Variants in FOXP2 observed in about 807,000 individuals in gnomAD.
FOXP2 encodes the protein forkhead box protein P2.
A neutral mutation model predicts 115.8 loss-of-function variants in FOXP2; 12 were observed. The ratio of observed to expected loss-of-function variants is 0.10; its 90% confidence interval spans 0.07 to 0.17. The LOEUF is 0.17. Among genes scored for constraint, FOXP2 ranks in the 10% least tolerant of loss-of-function variants. The pLI is 1.00. For missense variants in FOXP2, 629 were observed against 843.5 expected (o/e 0.75, Z 3.15); for synonymous variants, 328 against 297.7 (o/e 1.10, Z -1.05).
At chr7:114,093,117 A>G (rs2129139393) in intron 1 of FOXP2, among the ~76,000 whole-genome samples, 1 of 152,270 alleles carries the variant, frequency 6.6e-6, no homozygotes, top group South Asian at 2.1e-4. Flanking sequence ...TCAGAATAAA[A>G]TAGATGTTAC....
At chr7:114,403,572 A>G (rs1000337625) in intron 2 of FOXP2, among the ~76,000 whole-genome samples, 4 of 152,206 alleles carry the variant, frequency 2.6e-5, no homozygotes, top group Non-Finnish European at 5.9e-5. Context: ...AGACTATCTC[A>G]GGAGACTTGT....
intron 1 of FOXP2, among the ~76,000 whole-genome samples, chr7:114,153,862 T>G (rs981068529): frequency 6.6e-6 from 1 of 152,158 alleles, no homozygotes; most frequent in Non-Finnish European, 1.5e-5. Flanking sequence ...TTCAAATACC[T>G]TGATGTAAAG....
rs376462394 is a variant in FOXP2, at chr7:114,664,569, G to C, written c.2003+133G>C. 1.2e-4 allele frequency: 128 copies of C among 1,049,906 alleles called. No homozygotes were observed. The South Asian group carries it at 1.5e-3, about 12-fold the overall frequency. The allele number at this position is 1,049,906 out of a possible 1,614,324, so 65.0% of individuals were successfully genotyped here. A position where few individuals can be genotyped will look rare whatever the true frequency, so the allele number is the denominator to read the frequency against. On this transcript the variant is annotated intron_variant, in intron 16 of 16. Coordinates refer to ENST00000350908, the MANE Select transcript of FOXP2 (RefSeq NM_014491.4). ...TTTAAGTGGAGTTAAATTATACCACGTTCATAATATGACAAAGTTTATCAA... is the reference window on the plus strand; with the variant it reads ...TTTAAGTGGAGTTAAATTATACCACCTTCATAATATGACAAAGTTTATCAA...
At chr7:114,338,639 ATTAT>A (rs1017955955) in intron 2 of FOXP2, among the ~76,000 whole-genome samples, 2 of 151,034 alleles carry the variant, frequency 1.3e-5, no homozygotes, top group Non-Finnish European at 1.5e-5. Flanking sequence ...TTAAGACAAA[ATTAT>A]TTATTTGCAG....
intron 1 of FOXP2, among the ~76,000 whole-genome samples, chr7:114,214,769 T>G (rs1413507865): frequency 6.6e-6 from 1 of 152,172 alleles, no homozygotes; most frequent in Non-Finnish European, 1.5e-5. Flanking sequence ...TGCATAACTC[T>G]GGGCTCAGTA....
At chr7:114,641,642 TTTTA>T (rs1045728283) in intron 6 of FOXP2, among the ~76,000 whole-genome samples, 1 of 152,000 alleles carries the variant, frequency 6.6e-6, no homozygotes, top group Non-Finnish European at 1.5e-5. Flanking sequence ...TTGTTTTCCC[TTTTA>T]TTTATTTATT....
At chr7:114,545,059 A>G (rs1279628824) in intron 3 of FOXP2, among the ~76,000 whole-genome samples, 2 of 152,234 alleles carry the variant, frequency 1.3e-5, no homozygotes, top group African/African-American at 4.8e-5. Flanking sequence ...AAAGATATTT[A>G]AAACTCTCCA....
intron 7 of FOXP2, among the ~76,000 whole-genome samples, chr7:114,643,296 T>C: frequency 6.6e-6 from 1 of 152,144 alleles, no homozygotes; most frequent in Non-Finnish European, 1.5e-5. Flanking sequence ...ATCAGTTCTT[T>C]AATTTCAAAT....
At chr7:114,160,192 A>T (rs1792792419), upstream of FOXP2, among the ~76,000 whole-genome samples, 1 of 152,114 alleles carries the variant, frequency 6.6e-6, no homozygotes, top group African/African-American at 2.4e-5. Flanking sequence ...GGGGGCTTTG[A>T]TTTCTAGGAC....
intron 1 of FOXP2, among the ~76,000 whole-genome samples, chr7:114,138,071 A>G (rs1470323723): frequency 6.6e-6 from 1 of 152,138 alleles, no homozygotes; most frequent in Non-Finnish European, 1.5e-5. Flanking sequence ...GAAAATAAAT[A>G]CCCATGAGCC....
At chr7:114,304,814 C>T (rs892386254) in intron 2 of FOXP2, among the ~76,000 whole-genome samples, 1 of 151,204 alleles carries the variant, frequency 6.6e-6, no homozygotes, top group Admixed American at 6.6e-5. Context: ...CCCACATGTT[C>T]TCCTTTGCAC....
rs1019718598 is a variant in FOXP2, at chr7:114,454,442, A to C, written c.168+27763A>C. Among the ~76,000 whole-genome samples, 18 of 152,036 alleles carry C rather than the reference A, an allele frequency of 1.2e-4. 1 individual carries two copies. In the Middle Eastern group the frequency reaches 0.014, roughly 115 times the overall value. On this transcript the variant is annotated intron_variant, in intron 2 of 16. Coordinates refer to ENST00000350908, the MANE Select transcript of FOXP2 (RefSeq NM_014491.4). Reference sequence around the variant, plus strand: ...GATGGGTCTGTAAACTAGTTCAACCATTGTGGAAGTCAGTGTGGCGATTCC... The same window carrying C: ...GATGGGTCTGTAAACTAGTTCAACCCTTGTGGAAGTCAGTGTGGCGATTCC...
intron 8 of FOXP2, 46 bp downstream of exon 8, chr7:114,644,835 A>G (rs1805786693): frequency 6.4e-6 from 9 of 1,405,958 alleles, no homozygotes; most frequent in Non-Finnish European, 9.0e-6. Flanking sequence ...GCTGGATTAT[A>G]TGGGCATTTT....
intron 3 of FOXP2, among the ~76,000 whole-genome samples, chr7:114,581,149 GTTTA>G (rs10585289): frequency 0.39 from 52,496 of 134,602 alleles, 10,538 homozygotes; most frequent in Admixed American, 0.48. Flanking sequence ...ATCTTCTTCC[GTTTA>G]TTTATTTATT....
intron 3 of FOXP2, among the ~76,000 whole-genome samples, chr7:114,553,060 A>G (rs1228399554): frequency 2.0e-5 from 3 of 148,048 alleles, no homozygotes; most frequent in Non-Finnish European, 3.0e-5. Flanking sequence ...AGCATTTTAG[A>G]TACTGTGAAA....
intron 7 of FOXP2, 68 bp downstream of exon 7, chr7:114,642,691 A>C (rs1009392143): frequency 7.0e-7 from 1 of 1,426,070 alleles, no homozygotes; most frequent in Non-Finnish European, 9.8e-7. Context: ...TGAGACAATG[A>C]AAAAGAACAA....
intron 3 of FOXP2, among the ~76,000 whole-genome samples, chr7:114,535,301 C>T (rs1390102986): frequency 3.3e-5 from 5 of 150,370 alleles, no homozygotes; most frequent in Non-Finnish European, 4.5e-5. Flanking sequence ...TTGTTTTATG[C>T]AGTCTTCTTA....
chr7:114,217,056 G>A (rs1584552532), intron 1 of FOXP2, among the ~76,000 whole-genome samples: 3 of 152,214 alleles, frequency 2.0e-5, no homozygotes, highest in Non-Finnish European at 2.9e-5. Context: ...AACAGATAAT[G>A]TTTTAAAATA....
chr7:114,315,358 GGTAGTAA>G (rs1391688415), intron 2 of FOXP2, among the ~76,000 whole-genome samples: 1 of 152,112 alleles, frequency 6.6e-6, no homozygotes. Context: ...AGCCCATACA[GGTAGTAA>G]GTGGTTCAGT....
Sources: gnomAD v4.1 joint callset for allele counts (sites outside exome capture counted in the v4.1 genomes callset) on GRCh38, gnomAD v4.1.1 for gene constraint, MANE v1.5 for transcripts, NCBI Gene and HGNC (gene_info 2026-07-23, HGNC 2026-07-21) for gene names.